EPS15: variants seen among roughly 807,000 people sequenced by gnomAD.
EPS15 encodes epidermal growth factor receptor pathway substrate 15, also known as epidermal growth factor receptor substrate 15.
Under a neutral mutation model 113.8 loss-of-function variants are expected in EPS15, and 72 were observed. That is an observed-to-expected ratio of 0.63 (90% CI 0.52 to 0.77). The LOEUF (loss-of-function observed/expected upper bound fraction) is 0.77. Ranked by LOEUF, EPS15 falls within the 30% of genes least tolerant of loss-of-function variation. The pLI is 0.00. For missense variants in EPS15, 1,048 were observed against 1,045.8 expected (o/e 1.00, Z -0.03); for synonymous variants, 344 against 363.4 (o/e 0.95, Z 0.61).
At chr1:51,476,402 T>C (rs950484974) in intron 2 of EPS15, among the ~76,000 whole-genome samples, 2 of 152,178 alleles carry the variant, frequency 1.3e-5, no homozygotes, top group African/African-American at 2.4e-5. Flanking sequence ...TACTTCTCCT[T>C]GAAGAGGTCC....
At chr1:51,412,955 T>C (rs1649869606) in intron 13 of EPS15, among the ~76,000 whole-genome samples, 2 of 152,222 alleles carry the variant, frequency 1.3e-5, no homozygotes, top group South Asian at 4.1e-4. Context: ...ATTTCTCTAG[T>C]CACTGTTATT....
intron 8 of EPS15, chr1:51,458,175 A>G (rs1277647826): frequency 2.6e-5 from 4 of 152,296 alleles, no homozygotes; most frequent in Non-Finnish European, 4.4e-5. Context: ...GGGAGAAAGC[A>G]AATGTGACAA....
chr1:51,501,813 T>C (rs1391070690), intron 1 of EPS15, among the ~76,000 whole-genome samples: 1 of 152,124 alleles, frequency 6.6e-6, no homozygotes, highest in Non-Finnish European at 1.5e-5. Context: ...ACATTTACCA[T>C]GCAAAAGGCT....
intron 24 of EPS15, 87 bp downstream of exon 24, chr1:51,361,080 GTTAA>G: frequency 3.1e-6 from 3 of 957,726 alleles, no homozygotes; most frequent in Non-Finnish European, 4.8e-6. Context: ...GGTAAATTTA[GTTAA>G]AATGATGCAA....
intron 13 of EPS15, among the ~76,000 whole-genome samples, chr1:51,414,878 C>T (rs562981016): frequency 1.2e-4 from 19 of 152,238 alleles, no homozygotes; most frequent in South Asian, 4.2e-4. Context: ...GAAATTTATA[C>T]ATATTTGTAG....
intron 21 of EPS15, chr1:51,382,397 G>C (rs903690620): frequency 1.9e-4 from 28 of 151,188 alleles, no homozygotes; most frequent in Admixed American, 1.3e-3. Flanking sequence ...GCAAATTCTT[G>C]TGGCATTCCA....
At chr1:51,456,977 G>C (rs1456878749) in intron 8 of EPS15, among the ~76,000 whole-genome samples, 2 of 152,090 alleles carry the variant, frequency 1.3e-5, no homozygotes, top group African/African-American at 4.8e-5. Context: ...ATGTTCTAAG[G>C]TCTTCTGGAA....
At position 51,405,982 on chromosome 1, in the gene EPS15, T is replaced by C; in HGVS notation, c.1600A>G (p.Ser534Gly). Residue 534 changes from serine (S) to glycine (G), a missense_variant, in exon 16 of 25, where the codon AGT becomes GGT. Transcript: ENST00000371733. ...TDYCSLSTSS[S>G]ETANLNEHVE... ...TGTTCATTAAGGTTGGCTGTTTCAC[T>C]GCTGCTGGTGCTGAGGCTGCAATAA... is the stretch of plus-strand genomic sequence containing the variant. 6.2e-7 allele frequency: 1 copy of C among 1,614,194 alleles called. No individual in the cohort carries two copies. Among genetic ancestry groups the C allele is most frequent in the Non-Finnish European group, 8.5e-7 (1 of 1,180,032 alleles).
intron 19 of EPS15, 115 bp from the exon 20 acceptor site, chr1:51,399,280 G>T: frequency 2.2e-6 from 2 of 919,214 alleles, no homozygotes; most frequent in Non-Finnish European, 1.6e-6. Context: ...GCCAGGTGCA[G>T]TGGCTCACGT....
At chr1:51,462,870 ATTT>A (rs34320767) in intron 7 of EPS15, among the ~76,000 whole-genome samples, 1 of 111,070 alleles carries the variant, frequency 9.0e-6, no homozygotes, top group Non-Finnish European at 1.8e-5. Flanking sequence ...AAAAAGTCAG[ATTT>A]TTTTTTTTTT....
chr1:51,359,731 A>G (rs538892094), intron 24 of EPS15, among the ~76,000 whole-genome samples: 46 of 151,850 alleles, frequency 3.0e-4, no homozygotes, highest in Admixed American at 1.9e-3. Context: ...AGCCTGGGCA[A>G]TAAGAGCAAA....
intron 21 of EPS15, among the ~76,000 whole-genome samples, chr1:51,390,428 C>T (rs1647245584): frequency 6.6e-6 from 1 of 152,096 alleles, no homozygotes; most frequent in African/African-American, 2.4e-5. Context: ...GTCTAAAACA[C>T]CAAAAGCAAT....
At position 51,440,369 on chromosome 1, in the gene EPS15, T is replaced by G. The variant is rs776556477; in HGVS notation, c.1018A>C (p.Asn340His). ...SAIKELDTLN[N>H]EIVDLQREKN... ...TACCTCTGTAGGTCAACTATTTCAT[T>G]GTTAAGAGTATCTAGTTCCTTAATA... The change falls in exon 12 of 25, where the codon AAT becomes CAT. Residue 340 changes from asparagine to histidine, a missense_variant. Physicochemically the swap from Asn to His is moderately conservative, Grantham distance 68 (BLOSUM62 1). Coordinates refer to ENST00000371733, the MANE Select transcript of EPS15 (RefSeq NM_001981.3). 1.3e-6 allele frequency: 2 copies of G among 1,582,276 alleles called. No individual in the cohort carries two copies. The highest frequency in any genetic ancestry group is 2.7e-5 in the African/African-American group (2 of 74,438).
At chr1:51,436,882 T>C (rs1652192008) in intron 12 of EPS15, among the ~76,000 whole-genome samples, 1 of 152,148 alleles carries the variant, frequency 6.6e-6, no homozygotes, top group South Asian at 2.1e-4. Flanking sequence ...AGGGAATTCA[T>C]ATCCTACTAG....
chr1:51,516,131 G>A (rs910887565), intron 1 of EPS15, among the ~76,000 whole-genome samples: 10 of 151,928 alleles, frequency 6.6e-5, no homozygotes, highest in African/African-American at 2.4e-4. Context: ...AAAGACAACT[G>A]AATTAGAAAA....
intron 1 of EPS15, among the ~76,000 whole-genome samples, chr1:51,513,078 G>A (rs1045254006): frequency 1.3e-5 from 2 of 151,662 alleles, no homozygotes; most frequent in East Asian, 1.9e-4. Flanking sequence ...CAATCCTTCC[G>A]CCTCAGCCTC....
chr1:51,417,225 T>C (rs1183223548), intron 13 of EPS15, among the ~76,000 whole-genome samples: 1 of 152,166 alleles, frequency 6.6e-6, no homozygotes, highest in Non-Finnish European at 1.5e-5. Flanking sequence ...CATGGACAAG[T>C]ACTCTGAATT....
At chr1:51,404,722 T>A (rs1256515039) in intron 16 of EPS15, among the ~76,000 whole-genome samples, 2 of 152,246 alleles carry the variant, frequency 1.3e-5, no homozygotes, top group Admixed American at 1.3e-4. Flanking sequence ...TTTCTCATCT[T>A]CTGGCACTTT....
intron 1 of EPS15, among the ~76,000 whole-genome samples, chr1:51,516,697 G>A (rs1275513111): frequency 7.9e-5 from 12 of 152,152 alleles, no homozygotes; most frequent in Non-Finnish European, 1.8e-4. Flanking sequence ...GATAATCCCA[G>A]TACAATGTCT....
Sources: allele counts gnomAD v4.1 joint callset (sites outside exome capture counted in the v4.1 genomes callset), GRCh38; gene constraint gnomAD v4.1.1; transcripts MANE v1.5; gene names NCBI Gene and HGNC (gene_info 2026-07-23, HGNC 2026-07-21).